Variants in TTN observed in about 807,000 individuals in gnomAD.
The protein encoded by TTN is titin.
A neutral mutation model predicts 3,223.0 loss-of-function variants in TTN; 1,525 were observed. The observed-to-expected ratio is 0.47, with a 90% confidence interval of 0.45 to 0.49. The LOEUF is 0.49. Among genes scored for constraint, TTN ranks in the 20% least tolerant of loss-of-function variants. The probability of loss-of-function intolerance (pLI) is 0.00; values close to 1 mark genes in which losing one functional copy is unlikely to be tolerated. For synonymous variants in TTN, 14,094 were observed against 15,161.0 expected, an observed-to-expected ratio of 0.93 and a Z score of 5.17; for missense variants, 40,786 against 43,424.0, an observed-to-expected ratio of 0.94 and a Z score of 5.40.
At position 178,756,431 on chromosome 2, in the gene TTN, A is replaced by C. The variant is rs2086971533; in HGVS notation, c.11045T>G (p.Val3682Gly). 6.2e-6 allele frequency: 10 copies of C among 1,613,822 alleles called. No individual in the cohort carries two copies. In the South Asian group the frequency reaches 1.1e-4, roughly 18 times the overall value. ...KCGDTAQFLCVLKDDSFIDVT... is the reference protein window; with the variant it reads ...KCGDTAQFLCGLKDDSFIDVT... ...ATCAATGAAAGAATCATCTTTTAAA[A>C]CACAGAGGAATTGAGCCGTGTCACC... Residue 3682 changes from valine to glycine, a missense_variant, in exon 46 of 363, where the codon GTT becomes GGT. Coordinates refer to ENST00000589042, the MANE Select transcript of TTN (RefSeq NM_001267550.2).
chr2:178,779,688 A>G, intron 22 of TTN: 1 of 537,770 alleles, frequency 1.9e-6, no homozygotes. Flanking sequence ...TTTGGGTTAG[A>G]GGTTACATTA....
At chr2:178,624,059 G>GA (rs1349869025) in intron 242 of TTN, among the ~76,000 whole-genome samples, 3 of 151,866 alleles carry the variant, frequency 2.0e-5, no homozygotes, top group Non-Finnish European at 4.4e-5. Flanking sequence ...CCCCACACCT[G>GA]AAAATTCATT....
rs1391240387 is a variant in TTN at position 178,587,797 on chromosome 2, G to T, written c.63512C>A (p.Pro21171His). 1.3e-6 allele frequency: 2 copies of T among 1,595,432 alleles called. No homozygotes were observed. The highest frequency in any genetic ancestry group is 1.7e-6 in the Non-Finnish European group (2 of 1,170,192). The change falls in exon 306 of 363, where the codon CCT becomes CAT. Residue 21171 changes from proline to histidine, a missense_variant. Pro to His is a moderately conservative substitution (Grantham distance 77, BLOSUM62 -2). Coordinates refer to ENST00000589042, the MANE Select transcript of TTN (RefSeq NM_001267550.2). ...GCTGGCATCCAAATCAATCTCCGGA[G>T]GTTCTGCAAATGACATTAAGGTCAT... ...EAIKPKEILE[P>H]PEIDLDASMR...
Position 178,593,159 on chromosome 2 carries a change from C to A in TTN, c.59035+14G>T. On this transcript the variant is annotated intron_variant, in intron 299 of 362. Coordinates refer to ENST00000589042, the MANE Select transcript of TTN (RefSeq NM_001267550.2). ...AGATAACATGAAAACTGAATAAATCCATTAATACTATACCAATTGGATCTT... is the reference window on the plus strand; with the variant it reads ...AGATAACATGAAAACTGAATAAATCAATTAATACTATACCAATTGGATCTT... The A allele has an allele frequency of 6.2e-7, 1 of 1,612,106 alleles. No individual in the cohort carries two copies. Among genetic ancestry groups the A allele is most frequent in the Non-Finnish European group, 8.5e-7 (1 of 1,179,322 alleles).
Position 178,560,407 on chromosome 2 carries a change from C to T in TTN, c.85725G>A (p.Glu28575=), listed in dbSNP as rs752650483. 1 of 1,613,694 alleles carries T rather than the reference C, an allele frequency of 6.2e-7. No homozygotes were observed. Among genetic ancestry groups the T allele is most frequent in the Non-Finnish European group, 8.5e-7 (1 of 1,179,784 alleles). Residue 28575 remains glutamate (E), a synonymous_variant, in exon 326 of 363, where the codon GAG becomes GAA. Transcript: ENST00000589042. ...CAGATATTTCACTACCTCCATCACTCTCGGGTCTTGACCAGCAAAGTGTCA... is the reference window on the plus strand; with the variant it reads ...CAGATATTTCACTACCTCCATCACTTTCGGGTCTTGACCAGCAAAGTGTCA... The part of the protein sequence containing the change: ...ESMTLCWSRP[E]SDGGSEISGY...
chr2:178,643,616 A>G (rs2154241266), intron 218 of TTN, among the ~76,000 whole-genome samples: 1 of 152,038 alleles, frequency 6.6e-6, no homozygotes, highest in African/African-American at 2.4e-5. Flanking sequence ...TTATTATTTG[A>G]TTTTAAAAAT....
chr2:178,733,192 G>A (rs755793579), intron 54 of TTN, 47 bp downstream of exon 54: 199 of 1,556,330 alleles, frequency 1.3e-4, no homozygotes, highest in Non-Finnish European at 1.6e-4. Flanking sequence ...TAGGCCATTT[G>A]TTGGGTTTCA....
chr2:178,538,964 C>T lies in TTN; in HGVS notation c.98971G>A (p.Val32991Ile), dbSNP rs1416459734. 2 of 1,608,098 alleles carry T rather than the reference C, an allele frequency of 1.2e-6. No individual in the cohort carries two copies. The highest frequency in any genetic ancestry group is 1.7e-6 in the Non-Finnish European group (2 of 1,175,240). ...TCCTTACCAAATGGATCTTTGCAAA[C>T]AACTGGTTCAGAAGCAGGGCTGGTC... ...SETSPASEPVVCKDPFDKPSQ... is the reference protein window; with the variant it reads ...SETSPASEPVICKDPFDKPSQ... The change falls in exon 353 of 363, where the codon GTT becomes ATT. Residue 32991 changes from valine (V) to isoleucine (I), a missense_variant. Transcript: ENST00000589042.
intron 21 of TTN, 36 bp from the exon 22 acceptor site, chr2:178,780,241 C>G: frequency 6.4e-7 from 1 of 1,563,288 alleles, no homozygotes; most frequent in Non-Finnish European, 8.8e-7. Context: ...TTTTAATGCT[C>G]TTATTAGAAA....
chr2:178,782,067 T>A lies in TTN; in HGVS notation c.3380+145A>T, dbSNP rs868434104. 9 of 972,692 alleles carry A rather than the reference T, an allele frequency of 9.3e-6. No homozygotes were observed. The South Asian group carries it at 1.1e-4, about 12-fold the overall frequency. The allele number at this position is 972,692 out of a possible 1,614,324, so 60.3% of individuals were successfully genotyped here. On this transcript the variant is annotated intron_variant, in intron 20 of 362. Transcript: ENST00000589042. ...TTAGGAAGACTTTGCACAAAAAAAA[T>A]GTAAAAATACCTCAAAACAAACTAA...
rs1007033412 is a variant in TTN at position 178,640,308 on chromosome 2, ATGT to A, written c.40724-201_40724-199del. Among the ~76,000 whole-genome samples the A allele has an allele frequency of 1.1e-4, 16 of 152,126 alleles. No individual in the cohort carries two copies. The East Asian group carries it at 2.3e-3, about 22-fold the overall frequency. ...TAGTAAGGCAATGTTCTTGGTTTTA[ATGT>A]TGTTATTTATCTCATTGCCCATAAA... On this transcript the variant is annotated intron_variant, in intron 221 of 362. Coordinates refer to ENST00000589042, the MANE Select transcript of TTN (RefSeq NM_001267550.2).
chr2:178,536,888 C>G (rs1691809302), intron 356 of TTN, 50 bp downstream of exon 356: 1 of 1,461,116 alleles, frequency 6.8e-7, no homozygotes, highest in South Asian at 1.5e-5. Context: ...GAATTTTATG[C>G]AAAGATGGAA....
In TTN at chr2:178,732,941, G is replaced by C. The variant is rs1282477272; in HGVS notation, c.16235C>G (p.Ala5412Gly). Residue 5412 changes from alanine (A) to glycine (G), a missense_variant, in exon 55 of 363, where the codon GCC becomes GGC. Coordinates refer to ENST00000589042, the MANE Select transcript of TTN (RefSeq NM_001267550.2). Reference protein sequence around the residue: ...RYRIAFVEGTASLEIIRVDMN... With the variant: ...RYRIAFVEGTGSLEIIRVDMN... ...GTCTACTCTGATGATCTCCAAAGAG[G>C]CTGTGCCTTCCACAAATGCTATCCT... 2.5e-6 allele frequency: 4 copies of C among 1,613,534 alleles called. No homozygotes were observed. The highest frequency in any genetic ancestry group is 3.4e-6 in the Non-Finnish European group (4 of 1,179,734).
rs1013393173 is a variant in TTN at position 178,730,355 on chromosome 2, C to A, written c.18045G>T (p.Val6015=). The A allele has an allele frequency of 6.9e-6, 11 of 1,604,230 alleles. No homozygotes were observed. The highest frequency in any genetic ancestry group is 9.4e-6 in the Non-Finnish European group (11 of 1,174,658). Reference sequence around the variant, plus strand: ...TGACATCTTGTGACTGTGGCTTTTCCACAAAGTAAGGGGGTTCTGAGGTGA... The same window carrying A: ...TGACATCTTGTGACTGTGGCTTTTCAACAAAGTAAGGGGGTTCTGAGGTGA... The part of the protein sequence containing the change: ...HLTVKEPPYF[V]EKPQSQDVNP... The change falls in exon 62 of 363, where the codon GTG becomes GTT. Residue 6015 remains valine (V), a synonymous_variant. Transcript: ENST00000589042.
chr2:178,527,048 G>A lies in TTN; in HGVS notation c.107940C>T (p.Asp35980=). 1.9e-6 allele frequency: 3 copies of A among 1,613,834 alleles called. No individual in the cohort carries two copies. Among genetic ancestry groups the A allele is most frequent in the Non-Finnish European group, 2.5e-6 (3 of 1,179,812 alleles). ...TLSLGNEFGS[D]SATVNIHIRS... ...GAATATGTATATTCACAGTGGCAGAGTCAGATCCAAATTCATTCCCTAAAC... is the reference window on the plus strand; with the variant it reads ...GAATATGTATATTCACAGTGGCAGAATCAGATCCAAATTCATTCCCTAAAC... Residue 35980 remains aspartate, a synonymous_variant, in exon 363 of 363, where the codon GAC becomes GAT. Coordinates refer to ENST00000589042, the MANE Select transcript of TTN (RefSeq NM_001267550.2).
Position 178,683,037 on chromosome 2 carries a change from T to C in TTN, c.32888-134A>G, listed in dbSNP as rs1274775899. The C allele has an allele frequency of 4.8e-6, 5 of 1,050,812 alleles. No homozygotes were observed. The East Asian group carries it at 1.3e-4, about 27-fold the overall frequency. The allele number at this position is 1,050,812 out of a possible 1,614,324, so 65.1% of individuals were successfully genotyped here. On this transcript the variant is annotated intron_variant, in intron 134 of 362. Transcript: ENST00000589042. ...GATTATGGGAGACCCTGACTGTTCTTTTTTGGCCAGTCAAGGTATCATAGA... is the reference window on the plus strand; with the variant it reads ...GATTATGGGAGACCCTGACTGTTCTCTTTTGGCCAGTCAAGGTATCATAGA...
At position 178,558,119 on chromosome 2, in the gene TTN, A is replaced by G. The variant is rs1702220233; in HGVS notation, c.87235T>C (p.Ser29079Pro). 1 of 1,613,872 alleles carries G rather than the reference A, an allele frequency of 6.2e-7. No homozygotes were observed. The highest frequency in any genetic ancestry group is 2.2e-5 in the East Asian group (1 of 44,858). ...SGKPLPKVTL[S>P]RDGVPLKATM... ...GCCTTAAGGGGGACACCATCTCTTG[A>G]TAAGGTCACTTTGGGAAGTGGTTTT... The change falls in exon 328 of 363, where the codon TCA becomes CCA. Residue 29079 changes from serine (S) to proline (P), a missense_variant. Coordinates refer to ENST00000589042, the MANE Select transcript of TTN (RefSeq NM_001267550.2).
rs1437630852 is a variant in TTN, at chr2:178,712,992, A to G, written c.27050-17T>C. On this transcript the variant is annotated splice_polypyrimidine_tract_variant and intron_variant, in intron 93 of 362. Transcript: ENST00000589042. ...ATGGTGGTTCTAAACACAAAAGCAC[A>G]TATCAGAAAAGGTTTAGTATTTGTG... 3 of 1,608,668 alleles carry G rather than the reference A, an allele frequency of 1.9e-6. No individual in the cohort carries two copies. The highest frequency in any genetic ancestry group is 1.3e-5 in the African/African-American group (1 of 74,742).
chr2:178,633,860 A>C lies in TTN; in HGVS notation c.42639T>G (p.Ala14213=). The C allele has an allele frequency of 1.2e-6, 2 of 1,613,326 alleles. No individual in the cohort carries two copies. Among genetic ancestry groups the C allele is most frequent in the Admixed American group, 1.7e-5 (1 of 59,974 alleles). ...CTGTGGAGCTCAGCTCCTTGACTTG[A>C]GCTTTTATCTGAGATATATCATCCA... ...VTLDDISQIK[A]QVKELSSTAQ... The change falls in exon 231 of 363, where the codon GCT becomes GCG. Residue 14213 remains alanine, a synonymous_variant. Coordinates refer to ENST00000589042, the MANE Select transcript of TTN (RefSeq NM_001267550.2).
Sources: gnomAD v4.1 joint callset for allele counts (sites outside exome capture counted in the v4.1 genomes callset) on GRCh38, gnomAD v4.1.1 for gene constraint, MANE v1.5 for transcripts, NCBI Gene and HGNC (gene_info 2026-07-23, HGNC 2026-07-21) for gene names.